Variants in ABCB1 observed in about 807,000 individuals in gnomAD.
ABCB1 encodes the protein ATP binding cassette subfamily B member 1.
A neutral mutation model predicts 142.0 loss-of-function variants in ABCB1; 69 were observed. The observed-to-expected ratio is 0.49, with a 90% CI of 0.40 to 0.59. ABCB1 has a LOEUF of 0.59. Among genes scored for constraint, ABCB1 ranks in the 20% least tolerant of loss-of-function variants. ABCB1 has a pLI of 0.00. For synonymous variants in ABCB1, 532 were observed against 539.2 expected, an observed-to-expected ratio of 0.99 and a Z score of 0.18; for missense variants, 1,326 against 1,554.7, an observed-to-expected ratio of 0.85 and a Z score of 2.47.
intron 8 of ABCB1, among the ~76,000 whole-genome samples, chr7:87,556,471 G>A (rs1817314560): frequency 6.6e-6 from 1 of 152,218 alleles, no homozygotes; most frequent in Non-Finnish European, 1.5e-5. Context: ...GAGAAAGCCA[G>A]ATTAAGACCT....
rs1816427888 is a variant in ABCB1 at position 87,539,308 on chromosome 7, T to C, written c.2357A>G (p.Lys786Arg). ...TFGKAGEILT[K>R]RLRYMVFRSM... Reference sequence around the variant, plus strand: ...TCGGAAAACCATGTATCGGAGCCGCTTGGTGAGGATCTCTCCAGCTTTGCC... The same window carrying C: ...TCGGAAAACCATGTATCGGAGCCGCCTGGTGAGGATCTCTCCAGCTTTGCC... The change falls in exon 19 of 28, where the codon AAG becomes AGG. Residue 786 changes from lysine to arginine, a missense_variant. Coordinates refer to ENST00000622132, the MANE Select transcript of ABCB1 (RefSeq NM_001348946.2). The C allele has an allele frequency of 6.2e-7, 1 of 1,614,130 alleles. No individual in the cohort carries two copies. The highest frequency in any genetic ancestry group is 8.5e-7 in the Non-Finnish European group (1 of 1,179,974).
chr7:87,696,392 C>G (rs1828495765), intron 1 of ABCB1, among the ~76,000 whole-genome samples: 1 of 152,028 alleles, frequency 6.6e-6, no homozygotes, highest in South Asian at 2.1e-4. Flanking sequence ...AGGTTATAGA[C>G]TTTTACTAGC....
chr7:87,544,026 G>A (rs535326107), intron 17 of ABCB1, 103 bp downstream of exon 17: 1 of 1,388,536 alleles, frequency 7.2e-7, no homozygotes, highest in Non-Finnish European at 1.0e-6. Flanking sequence ...GGAGATACGT[G>A]GATTTTGTTG....
chr7:87,571,059 G>A (rs924716242), intron 4 of ABCB1, among the ~76,000 whole-genome samples: 1 of 152,072 alleles, frequency 6.6e-6, no homozygotes, highest in Non-Finnish European at 1.5e-5. Flanking sequence ...TGTACAAAGA[G>A]TAAATATTTT....
intron 1 of ABCB1, among the ~76,000 whole-genome samples, chr7:87,671,860 C>A (rs1242542844): frequency 6.6e-6 from 1 of 152,196 alleles, no homozygotes; most frequent in East Asian, 1.9e-4. Flanking sequence ...GCCTGCCACT[C>A]CCCCTGGGAG....
intron 8 of ABCB1, among the ~76,000 whole-genome samples, chr7:87,557,100 C>T (rs1817344027): frequency 6.6e-6 from 1 of 152,108 alleles, no homozygotes; most frequent in Non-Finnish European, 1.5e-5. Context: ...CATTCATCAT[C>T]CTCACACTCT....
At position 87,573,610 on chromosome 7, in the gene ABCB1, G is replaced by A. The variant is rs549090350; in HGVS notation, c.287-3387C>T. On this transcript the variant is annotated intron_variant, in intron 4 of 27. Transcript: ENST00000622132. The stretch of plus-strand genomic sequence containing the variant: ...ATTTGAAAGCAAAAGTATAATCATA[G>A]TGCTTCCATTGATAACCTTCAATGA... 1.1e-4 allele frequency among the ~76,000 whole-genome samples: 17 copies of A among 152,136 alleles called. No homozygotes were observed. In the South Asian group the frequency reaches 3.5e-3, roughly 32 times the overall value.
At chr7:87,666,715 A>G (rs1403488365) in intron 1 of ABCB1, among the ~76,000 whole-genome samples, 1 of 152,180 alleles carries the variant, frequency 6.6e-6, no homozygotes, top group Non-Finnish European at 1.5e-5. Flanking sequence ...ATGGCTATCC[A>G]GTTTTCCCAG....
At chr7:87,623,800 G>A (rs548113078) in intron 1 of ABCB1, among the ~76,000 whole-genome samples, 104 of 150,926 alleles carry the variant, frequency 6.9e-4, no homozygotes, top group African/African-American at 2.5e-3. Context: ...TAGATTCATT[G>A]CATCAGCTTC....
At chr7:87,648,988 T>C (rs1823302113) in intron 1 of ABCB1, among the ~76,000 whole-genome samples, 1 of 152,152 alleles carries the variant, frequency 6.6e-6, no homozygotes, top group African/African-American at 2.4e-5. Flanking sequence ...CCGGATTGAA[T>C]AGCATAACTA....
intron 7 of ABCB1, chr7:87,564,221 T>C: frequency 2.4e-6 from 1 of 414,976 alleles, no homozygotes; most frequent in East Asian, 7.4e-5. Flanking sequence ...CCGGCAGTTG[T>C]TCCATTGAAG....
At chr7:87,677,294 C>G (rs2130563760) in intron 1 of ABCB1, among the ~76,000 whole-genome samples, 1 of 149,490 alleles carries the variant, frequency 6.7e-6, no homozygotes, top group South Asian at 2.1e-4. Flanking sequence ...CACACACACA[C>G]ACACACACAC....
At chr7:87,600,570 G>C (rs1314281628) in intron 1 of ABCB1, among the ~76,000 whole-genome samples, 185 bp downstream of exon 1, 2 of 152,208 alleles carry the variant, frequency 1.3e-5, no homozygotes, top group African/African-American at 2.4e-5. Context: ...ACTACGGTTT[G>C]GGCGCTGCTC....
chr7:87,505,120 T>C (rs1270327026), intron 27 of ABCB1, among the ~76,000 whole-genome samples: 1 of 152,022 alleles, frequency 6.6e-6, no homozygotes, highest in Non-Finnish European at 1.5e-5. Context: ...CCCACCACCA[T>C]GCCTAGCTAA....
At position 87,626,752 on chromosome 7, in the gene ABCB1, CATATATATGTCATATATATGTCAGAG is replaced by C. The variant is rs1563082019; in HGVS notation, c.-330-25700_-330-25675del. Among the ~76,000 whole-genome samples the C allele has an allele frequency of 8.0e-3, 391 of 48,956 alleles. 6 individuals are homozygous for C. Among genetic ancestry groups the C allele is most frequent in the Middle Eastern group, 0.029 (2 of 70 alleles). 32.1% of individuals were successfully genotyped at this position (48,956 alleles called of 152,430 possible). ...TCATATATATGTGTCATATATATGT[CATATATATGTCATATATATGTCAGAG>C]AGAGAGAGAGAGAGAGAGATGGAGT... On this transcript the variant is annotated intron_variant, in intron 1 of 28. Transcript: ENST00000265724.
At chr7:87,636,187 A>AC (rs967760186) in intron 1 of ABCB1, among the ~76,000 whole-genome samples, 2 of 152,218 alleles carry the variant, frequency 1.3e-5, no homozygotes, top group African/African-American at 4.8e-5. Context: ...CAACACTCAT[A>AC]CTAGTGAGCA....
chr7:87,585,547 T>C lies in ABCB1; in HGVS notation c.251A>G (p.Asn84Ser). The C allele has an allele frequency of 6.2e-7, 1 of 1,613,922 alleles. No individual in the cohort carries two copies. Residue 84 changes from asparagine (N) to serine (S), a missense_variant, in exon 4 of 28, where the codon AAT (asparagine) becomes AGT (serine). Transcript: ENST00000622132. ...EMTDIFANAG[N>S]LEDLMSNITN... ...GATGTTTGACATCAGATCTTCTAAA[T>C]TTCCTGCATTTGCAAAGATATCTGT...
chr7:87,506,623 G>A (rs1563025241), intron 26 of ABCB1, among the ~76,000 whole-genome samples: 2 of 152,090 alleles, frequency 1.3e-5, no homozygotes, highest in Non-Finnish European at 2.9e-5. Flanking sequence ...TGTTGTTAGA[G>A]TGCTCCCAAA....
chr7:87,569,430 C>G (rs1817942675), intron 5 of ABCB1, among the ~76,000 whole-genome samples: 1 of 151,692 alleles, frequency 6.6e-6, no homozygotes, highest in Non-Finnish European at 1.5e-5. Flanking sequence ...CTACACGTAC[C>G]TTTGGACATC....
Sources: gnomAD v4.1 joint callset for allele counts (sites outside exome capture counted in the v4.1 genomes callset) on GRCh38, gnomAD v4.1.1 for gene constraint, MANE v1.5 for transcripts, NCBI Gene and HGNC (gene_info 2026-07-23, HGNC 2026-07-21) for gene names.